The following CFAP43 variants were observed in gnomAD, a reference collection of about 807,000 sequenced individuals.
The protein encoded by CFAP43 is cilia and flagella associated protein 43, also known as cilia- and flagella-associated protein 43.
In CFAP43, 155 loss-of-function variants were observed where a neutral mutation model predicts 218.9. The ratio of observed to expected loss-of-function variants is 0.71; its 90% CI spans 0.62 to 0.81. CFAP43 has a LOEUF of 0.81. Among genes scored for constraint, CFAP43 ranks in the 30% least tolerant of loss-of-function variants. The probability of loss-of-function intolerance (pLI) is 0.00; values close to 1 mark genes in which losing one functional copy is unlikely to be tolerated. For synonymous variants in CFAP43, 645 were observed against 681.3 expected (o/e 0.95, Z 0.83); for missense variants, 1,778 against 1,954.3 (o/e 0.91, Z 1.70).
intron 31 of CFAP43, among the ~76,000 whole-genome samples, chr10:104,144,812 A>G (rs2087880518): frequency 6.6e-6 from 1 of 152,216 alleles, no homozygotes; most frequent in Non-Finnish European, 1.5e-5. Context: ...GGAAATCTGC[A>G]TTTATAATGG....
Position 104,214,419 on chromosome 10 carries a change from C to A in CFAP43, c.424G>T (p.Glu142Ter), listed in dbSNP as rs758729681. 7 of 1,576,228 alleles carry A rather than the reference C, an allele frequency of 4.4e-6. No homozygotes were observed. The Admixed American group carries it at 1.3e-4, about 29-fold the overall frequency. ...TTCTTACACAAAATGATACTCGATTCCCAGTTCCTTAGAGAAAAATAGCAT... is the reference window on the plus strand; with the variant it reads ...TTCTTACACAAAATGATACTCGATTACCAGTTCCTTAGAGAAAAATAGCAT... ...PEFELALWNW[E>*]SSIILCKKSQ... is the part of the protein sequence containing the mutation. Residue 142 changes from glutamate to a stop codon, truncating the protein, a stop_gained, in exon 4 of 38, where the codon GAA becomes TAA. Coordinates refer to ENST00000357060, the MANE Select transcript of CFAP43 (RefSeq NM_025145.7). LOFTEE classifies it high-confidence loss of function.
chr10:104,206,074 A>G (rs2090678166), intron 6 of CFAP43, 44 bp from the exon 7 acceptor site: 2 of 1,456,534 alleles, frequency 1.4e-6, no homozygotes, highest in African/African-American at 2.9e-5. Context: ...ACGTAATTAA[A>G]AGTACAATGT....
At chr10:104,168,598 T>C in intron 21 of CFAP43, 146 bp downstream of exon 21, 1 of 631,446 alleles carries the variant, frequency 1.6e-6, no homozygotes, top group Non-Finnish European at 2.8e-6. Context: ...CAGGGACACA[T>C]CCAGGTGAAA....
At chr10:104,202,737 T>G (rs919380113) in intron 8 of CFAP43, among the ~76,000 whole-genome samples, 1 of 152,140 alleles carries the variant, frequency 6.6e-6, no homozygotes, top group African/African-American at 2.4e-5. Context: ...CTCCTTCTTT[T>G]ATGATATCTT....
At chr10:104,179,401 C>T (rs898295619) in intron 18 of CFAP43, among the ~76,000 whole-genome samples, 18 of 152,090 alleles carry the variant, frequency 1.2e-4, no homozygotes, top group African/African-American at 3.9e-4. Flanking sequence ...GCACTTTTAT[C>T]GGGAACTTGA....
intron 6 of CFAP43, 122 bp from the exon 7 acceptor site, chr10:104,206,152 T>A (rs2090681160): frequency 1.3e-6 from 1 of 743,946 alleles, no homozygotes; most frequent in African/African-American, 1.8e-5. Flanking sequence ...TTCTCTATCA[T>A]CAGATCTATG....
chr10:104,218,760 T>C (rs370849390), intron 3 of CFAP43: 6 of 543,948 alleles, frequency 1.1e-5, no homozygotes, highest in East Asian at 4.4e-5. Context: ...TCCCTCCCCA[T>C]TGGCTCCCAA....
rs1037131861 is a variant in CFAP43, at chr10:104,193,595, TG to T, written c.1442+270del. The T allele has an allele frequency of 2.9e-4, 104 of 356,976 alleles. 1 individual carries two copies. Among genetic ancestry groups the T allele is most frequent in the Middle Eastern group, 2.4e-3 (3 of 1,254 alleles). 22.1% of individuals were successfully genotyped at this position (356,976 alleles called of 1,614,324 possible). ...GGCCATTGATACAAGTAAAAAGAAG[TG>T]CTTATTATGTTTTGCTTGTTCATGG... On this transcript the variant is annotated intron_variant, in intron 11 of 37. Transcript: ENST00000357060.
chr10:104,184,195 A>G (rs2089954388), intron 16 of CFAP43, among the ~76,000 whole-genome samples: 1 of 152,152 alleles, frequency 6.6e-6, no homozygotes, highest in African/African-American at 2.4e-5. Context: ...CCTCCTAACC[A>G]TGGGAGGAAT....
At chr10:104,208,845 A>G (rs1301767418) in intron 5 of CFAP43, among the ~76,000 whole-genome samples, 1 of 152,220 alleles carries the variant, frequency 6.6e-6, no homozygotes, top group Non-Finnish European at 1.5e-5. Context: ...GATTAAGTTC[A>G]TGATCTTGGA....
At chr10:104,181,173 C>A (rs2089830576) in intron 17 of CFAP43, among the ~76,000 whole-genome samples, 1 of 152,092 alleles carries the variant, frequency 6.6e-6, no homozygotes, top group African/African-American at 2.4e-5. Flanking sequence ...CAGAGTCTGC[C>A]CCATCTCCAT....
chr10:104,194,514 T>C (rs2090330984), intron 10 of CFAP43, among the ~76,000 whole-genome samples: 1 of 152,172 alleles, frequency 6.6e-6, no homozygotes, highest in Admixed American at 6.5e-5. Flanking sequence ...GGATTACAGG[T>C]TCAAACCACC....
intron 20 of CFAP43, 29 bp from the exon 21 acceptor site, chr10:104,168,877 T>A (rs967539296): frequency 3.2e-6 from 5 of 1,554,394 alleles, no homozygotes; most frequent in Non-Finnish European, 4.4e-6. Flanking sequence ...AGGGAAAAGA[T>A]AAAAATGAAA....
At chr10:104,200,214 T>C (rs1348844994) in intron 8 of CFAP43, among the ~76,000 whole-genome samples, 1 of 152,136 alleles carries the variant, frequency 6.6e-6, no homozygotes, top group Non-Finnish European at 1.5e-5. Context: ...GTATATAAGC[T>C]CTGGAAAGCT....
intron 28 of CFAP43, among the ~76,000 whole-genome samples, chr10:104,149,683 T>A (rs1378054206): frequency 6.6e-6 from 1 of 152,258 alleles, no homozygotes; most frequent in East Asian, 1.9e-4. Context: ...TGAATTATTT[T>A]GATATTACTG....
intron 27 of CFAP43, among the ~76,000 whole-genome samples, chr10:104,159,209 T>C (rs1198516715): frequency 5.3e-5 from 8 of 152,120 alleles, no homozygotes; most frequent in East Asian, 3.8e-4. Context: ...ACCATCAACA[T>C]AGATTTTTTT....
intron 1 of CFAP43, 35 bp from the exon 2 acceptor site, chr10:104,230,878 C>T (rs373797327): frequency 7.8e-5 from 120 of 1,539,836 alleles, no homozygotes; most frequent in Non-Finnish European, 1.0e-4. Flanking sequence ...CAATATAATA[C>T]ATTTCAAATA....
At chr10:104,131,119 C>T (rs940476989) in intron 37 of CFAP43, among the ~76,000 whole-genome samples, 1 of 151,616 alleles carries the variant, frequency 6.6e-6, no homozygotes, top group Non-Finnish European at 1.5e-5. Context: ...GTGACGGAAT[C>T]ATTCCGTACC....
chr10:104,207,597 A>T, intron 6 of CFAP43, 68 bp downstream of exon 6: 1 of 1,472,066 alleles, frequency 6.8e-7, no homozygotes, highest in Non-Finnish European at 9.2e-7. Context: ...AGAAAGAGAA[A>T]AATAGGGAAA....
Sources: allele counts gnomAD v4.1 joint callset (sites outside exome capture counted in the v4.1 genomes callset), GRCh38; gene constraint gnomAD v4.1.1; transcripts MANE v1.5; gene names NCBI Gene and HGNC (gene_info 2026-07-23, HGNC 2026-07-21).